The following USP6NL variants were observed in gnomAD, a reference collection of about 807,000 sequenced individuals.
The protein encoded by USP6NL is USP6 N-terminal-like protein.
USP6NL carries 26 observed loss-of-function variants against 61.9 expected under a neutral mutation model. The ratio of observed to expected loss-of-function variants is 0.42; its 90% CI spans 0.31 to 0.58. The LOEUF (loss-of-function observed/expected upper bound fraction) is 0.58, where lower values mean the gene tolerates loss of function less well. Among genes scored for constraint, USP6NL ranks in the 20% least tolerant of loss-of-function variants. The probability of loss-of-function intolerance (pLI) is 0.16; values close to 1 mark genes in which losing one functional copy is unlikely to be tolerated. For missense variants in USP6NL, 1,114 were observed against 1,034.3 expected (o/e 1.08, Z -1.06); for synonymous variants, 432 against 390.1 (o/e 1.11, Z -1.27).
At chr10:11,567,972 C>T (rs543691541) in intron 2 of USP6NL, among the ~76,000 whole-genome samples, 6 of 152,318 alleles carry the variant, frequency 3.9e-5, no homozygotes, top group South Asian at 2.1e-4. Context: ...TTAATGCCCA[C>T]GCTCTTAGCT....
intron 2 of USP6NL, among the ~76,000 whole-genome samples, chr10:11,539,679 T>C (rs558637738): frequency 6.6e-6 from 1 of 152,358 alleles, no homozygotes; most frequent in South Asian, 2.1e-4. Context: ...CTACAGTTGC[T>C]GACAAAGTCA....
rs1456938191 is a variant in USP6NL, at chr10:11,495,590, A to C, written c.385-2362T>G. 6.6e-6 allele frequency among the ~76,000 whole-genome samples: 1 copy of C among 152,114 alleles called. No homozygotes were observed. Among genetic ancestry groups the C allele is most frequent in the Non-Finnish European group, 1.5e-5 (1 of 68,016 alleles). ...GGGAATTTCTTCAATTGTCATTTTC[A>C]ATTAAGTTTTTCATTACTAATATTT... On this transcript the variant is annotated intron_variant, in intron 7 of 14. Coordinates refer to ENST00000609104, the MANE Select transcript of USP6NL (RefSeq NM_014688.5). This position sits in a 1 kb window ranked among gnomAD's most constrained non-coding sequence, Gnocchi z 4.6.
At position 11,587,695 on chromosome 10, in the gene USP6NL, A is replaced by C. The variant is rs17150592; in HGVS notation, c.4+9936T>G. 8.5e-3 allele frequency among the ~76,000 whole-genome samples: 1,296 copies of C among 152,324 alleles called. 14 individuals are homozygous for C. Among genetic ancestry groups the C allele is most frequent in the African/African-American group, 0.029 (1,213 of 41,560 alleles). On this transcript the variant is annotated intron_variant, in intron 2 of 14. Transcript: ENST00000609104. This position sits in a 1 kb window ranked among gnomAD's most constrained non-coding sequence, Gnocchi z 4.5. ...CAATACTGCTATACTTTATACCTTC[A>C]TAGCATTTGTTCAGTAGCATCTTGA...
rs892422611 is a variant in USP6NL, at chr10:11,460,677, T to A, written c.*1764A>T. On this transcript the variant is annotated 3_prime_UTR_variant, in exon 15 of 15. Coordinates refer to ENST00000609104, the MANE Select transcript of USP6NL (RefSeq NM_014688.5). ...TATAAAAATCTACAGTATTTACCAC[T>A]GTTGATATATATATTTTGGAGCAGC... 3.0e-4 allele frequency: 44 copies of A among 148,704 alleles called. No homozygotes were observed. The highest frequency in any genetic ancestry group is 1.1e-3 in the African/African-American group (44 of 40,792). 9.2% of individuals were successfully genotyped at this position (148,704 alleles called of 1,614,324 possible).
intron 2 of USP6NL, among the ~76,000 whole-genome samples, chr10:11,552,990 G>A (rs1213705905): frequency 6.6e-6 from 1 of 152,004 alleles, no homozygotes; most frequent in Non-Finnish European, 1.5e-5. Context: ...CCCACCTTTT[G>A]GAGTCTCCAA....
chr10:11,505,154 G>C (rs1834380850), intron 6 of USP6NL, among the ~76,000 whole-genome samples: 1 of 152,152 alleles, frequency 6.6e-6, no homozygotes, highest in African/African-American at 2.4e-5. Context: ...GAGATGGAAA[G>C]GAGTTCCTTT....
At chr10:11,570,202 T>C (rs1837307358) in intron 2 of USP6NL, among the ~76,000 whole-genome samples, 2 of 152,228 alleles carry the variant, frequency 1.3e-5, no homozygotes, top group African/African-American at 2.4e-5. Flanking sequence ...TGAGGTTCCA[T>C]GAGCTTGTCT....
At chr10:11,586,899 G>T (rs10905975) in intron 2 of USP6NL, among the ~76,000 whole-genome samples, 1 of 152,100 alleles carries the variant, frequency 6.6e-6, no homozygotes, top group Non-Finnish European at 1.5e-5. Context: ...CTTCACATAC[G>T]TTGTTCCTTC....
rs1225622121 is a variant in USP6NL, at chr10:11,553,414, G to C, written c.5-25847C>G. Among the ~76,000 whole-genome samples the C allele has an allele frequency of 1.3e-5, 2 of 152,126 alleles. No individual in the cohort carries two copies. The highest frequency in any genetic ancestry group is 4.8e-5 in the African/African-American group (2 of 41,424). ...CTTGTGTGGATGTCATTTCAGCAAGGATACCAGAAATAATATATAACTCAC... is the reference window on the plus strand; with the variant it reads ...CTTGTGTGGATGTCATTTCAGCAAGCATACCAGAAATAATATATAACTCAC... On this transcript the variant is annotated intron_variant, in intron 2 of 14. Transcript: ENST00000609104. The surrounding 1 kb of genome is among the most constrained non-coding windows in gnomAD (Gnocchi z 4.8).
intron 5 of USP6NL, among the ~76,000 whole-genome samples, chr10:11,515,430 T>G (rs1834912693): frequency 6.6e-6 from 1 of 152,246 alleles, no homozygotes; most frequent in Non-Finnish European, 1.5e-5. Context: ...CTATATGATC[T>G]CTGCCCCCAG....
At chr10:11,484,190 G>T (rs117432257) in intron 13 of USP6NL, among the ~76,000 whole-genome samples, 177 of 152,232 alleles carry the variant, frequency 1.2e-3, no homozygotes, top group African/African-American at 4.0e-3. Flanking sequence ...GTACGTGTAC[G>T]TATGAAGCTC....
At chr10:11,479,957 C>G (rs1380716499) in intron 14 of USP6NL, among the ~76,000 whole-genome samples, 1 of 152,130 alleles carries the variant, frequency 6.6e-6, no homozygotes, top group Non-Finnish European at 1.5e-5. Flanking sequence ...GTTCCATATA[C>G]AGTTCACAAC....
chr10:11,565,370 A>T (rs1837098905), intron 2 of USP6NL: 1 of 152,252 alleles, frequency 6.6e-6, no homozygotes, highest in Non-Finnish European at 1.5e-5. Context: ...GGCCGGGCGT[A>T]GTGGCTCACA....
rs781385695 is a variant in USP6NL, at chr10:11,470,808, T to G, written c.1079-6959A>C. 6.6e-6 allele frequency among the ~76,000 whole-genome samples: 1 copy of G among 152,240 alleles called. No homozygotes were observed. Among genetic ancestry groups the G allele is most frequent in the African/African-American group, 2.4e-5 (1 of 41,466 alleles). On this transcript the variant is annotated intron_variant, in intron 14 of 14. Coordinates refer to ENST00000609104, the MANE Select transcript of USP6NL (RefSeq NM_014688.5). The surrounding 1 kb of genome is among the most constrained non-coding windows in gnomAD (Gnocchi z 5.4). Reference sequence around the variant, plus strand: ...TCCACGCTTGCATTCTGGGCTTCTTTTCAATAGACAGAATCATGTTTTTGC... The same window carrying G: ...TCCACGCTTGCATTCTGGGCTTCTTGTCAATAGACAGAATCATGTTTTTGC...
intron 2 of USP6NL, among the ~76,000 whole-genome samples, chr10:11,583,184 A>AT (rs11432382): frequency 0.22 from 30,013 of 133,598 alleles, 4,014 homozygotes; most frequent in East Asian, 0.58. Context: ...TATGTTTTCA[A>AT]TTTTTTTTTT....
chr10:11,507,175 G>A (rs1443855370), intron 6 of USP6NL, among the ~76,000 whole-genome samples: 1 of 152,072 alleles, frequency 6.6e-6, no homozygotes, highest in Non-Finnish European at 1.5e-5. Flanking sequence ...TACTTTCATA[G>A]GCATATGTAG....
chr10:11,594,218 G>A (rs1264933504), intron 2 of USP6NL, among the ~76,000 whole-genome samples: 1 of 151,956 alleles, frequency 6.6e-6, no homozygotes, highest in Non-Finnish European at 1.5e-5. Context: ...CTAACCTTTG[G>A]TACAGTAGTC....
chr10:11,483,130 C>T (rs1000019389), intron 13 of USP6NL, among the ~76,000 whole-genome samples: 11 of 152,290 alleles, frequency 7.2e-5, no homozygotes, highest in Middle Eastern at 3.4e-3. Flanking sequence ...CCTCCCATCC[C>T]GCAGCCACCC....
At chr10:11,480,872 T>G (rs543893405) in intron 14 of USP6NL, among the ~76,000 whole-genome samples, 16 of 152,284 alleles carry the variant, frequency 1.1e-4, no homozygotes, top group African/African-American at 3.4e-4. Context: ...ACCCATCCAC[T>G]GCAACAAAGG....
Sources: allele counts gnomAD v4.1 joint callset (sites outside exome capture counted in the v4.1 genomes callset), GRCh38; gene constraint gnomAD v4.1.1; non-coding constraint Gnocchi (gnomAD v3.1); transcripts MANE v1.5; gene names NCBI Gene and HGNC (gene_info 2026-07-23, HGNC 2026-07-21).